MXI1: variants seen among roughly 807,000 people sequenced by gnomAD.
The protein encoded by MXI1 is MAX interactor 1, dimerization protein.
A neutral mutation model predicts 36.9 loss-of-function variants in MXI1; 18 were observed. The ratio of observed to expected loss-of-function variants is 0.49; its 90% CI spans 0.34 to 0.72. MXI1 has a LOEUF of 0.72. MXI1 is among the 30% of genes least tolerant of loss of function. The probability of loss-of-function intolerance (pLI) is 0.01; values close to 1 mark genes in which losing one functional copy is unlikely to be tolerated. For missense variants in MXI1, 304 were observed against 379.1 expected, an observed-to-expected ratio of 0.80 and a Z score of 1.64; for synonymous variants, 160 against 146.7, an observed-to-expected ratio of 1.09 and a Z score of -0.65.
At chr10:110,263,016 C>CAT (rs1291214573) in intron 3 of MXI1, among the ~76,000 whole-genome samples, 1 of 152,098 alleles carries the variant, frequency 6.6e-6, no homozygotes, top group African/African-American at 2.4e-5. Flanking sequence ...CTTGCTAGAG[C>CAT]ATATATATTC....
chr10:110,264,460 G>A (rs975729248), intron 3 of MXI1, among the ~76,000 whole-genome samples: 13 of 151,570 alleles, frequency 8.6e-5, no homozygotes, highest in African/African-American at 2.9e-4. Context: ...CCGCCTCCCG[G>A]GTTTAAACGA....
intron 3 of MXI1, 106 bp downstream of exon 3, chr10:110,244,963 T>A: frequency 8.7e-7 from 1 of 1,150,090 alleles, no homozygotes; most frequent in Non-Finnish European, 1.2e-6. Flanking sequence ...ATTTTATTTT[T>A]CAGATGTATA....
At position 110,207,754 on chromosome 10, in the gene MXI1, C is replaced by T; in HGVS notation, c.-55C>T. 9.0e-7 allele frequency: 1 copy of T among 1,107,104 alleles called. No homozygotes were observed. The highest frequency in any genetic ancestry group is 1.1e-6 in the Non-Finnish European group (1 of 904,048). The allele number at this position is 1,107,104 out of a possible 1,614,324, so 68.6% of individuals were successfully genotyped here. A position where few individuals can be genotyped will look rare whatever the true frequency, so the allele number is the denominator to read the frequency against. On this transcript the variant is annotated 5_prime_UTR_variant, in exon 1 of 6. Coordinates refer to ENST00000332674, the MANE Select transcript of MXI1 (RefSeq NM_130439.3). Reference sequence around the variant, plus strand: ...CGGGTCTCCCTGGGGGCCCGGAGCTCGGCCGGGCCGCGCAGCCCCGTTAGA... The same window carrying T: ...CGGGTCTCCCTGGGGGCCCGGAGCTTGGCCGGGCCGCGCAGCCCCGTTAGA...
intron 5 of MXI1, among the ~76,000 whole-genome samples, chr10:110,284,557 C>T (rs1564728991): frequency 6.6e-6 from 1 of 152,144 alleles, no homozygotes; most frequent in Non-Finnish European, 1.5e-5. Flanking sequence ...CCCAAATACG[C>T]CAAGTGCTTT....
At position 110,208,110 on chromosome 10, in the gene MXI1, C is replaced by A. The variant is rs749362336; in HGVS notation, c.274+28C>A. 4 of 1,562,812 alleles carry A rather than the reference C, an allele frequency of 2.6e-6. No individual in the cohort carries two copies. In the South Asian group the frequency reaches 4.7e-5, roughly 18 times the overall value. ...AAGTTTGGGGGCCCCTGCTCTTCCT[C>A]GGCGCCCGGTTCTTTCTTTCTCGCC... On this transcript the variant is annotated intron_variant, in intron 1 of 5. Coordinates refer to ENST00000332674, the MANE Select transcript of MXI1 (RefSeq NM_130439.3).
intron 2 of MXI1, among the ~76,000 whole-genome samples, chr10:110,241,846 A>G (rs1427358813): frequency 6.6e-6 from 1 of 151,986 alleles, no homozygotes. Context: ...ATGTTTTTAC[A>G]TCTGTTTCTC....
chr10:110,243,474 C>T (rs111783823), intron 2 of MXI1, among the ~76,000 whole-genome samples: 4 of 152,000 alleles, frequency 2.6e-5, no homozygotes, highest in African/African-American at 9.7e-5. Context: ...CCAGCAAAAG[C>T]ACTCTTAATT....
At chr10:110,222,361 A>C (rs1489337718) in intron 1 of MXI1, among the ~76,000 whole-genome samples, 1 of 152,188 alleles carries the variant, frequency 6.6e-6, no homozygotes, top group African/African-American at 2.4e-5. Flanking sequence ...TGGACTTGTA[A>C]CTTAACCTCA....
intron 1 of MXI1, chr10:110,227,590 AG>A: frequency 1.3e-6 from 1 of 787,764 alleles, no homozygotes; most frequent in Non-Finnish European, 1.5e-6. Context: ...GGGGGGGGTC[AG>A]GGGAAGGGAC....
At chr10:110,229,725 T>C (rs1855194385) in intron 2 of MXI1, among the ~76,000 whole-genome samples, 1 of 152,244 alleles carries the variant, frequency 6.6e-6, no homozygotes, top group African/African-American at 2.4e-5. Flanking sequence ...GATGAAAATA[T>C]GTAGTATGAT....
At chr10:110,241,478 G>T (rs926343366) in intron 2 of MXI1, among the ~76,000 whole-genome samples, 4 of 151,982 alleles carry the variant, frequency 2.6e-5, no homozygotes, top group African/African-American at 9.7e-5. Context: ...GAATGTGCTA[G>T]TGTGTGATAC....
intron 2 of MXI1, among the ~76,000 whole-genome samples, chr10:110,241,267 G>A (rs1332420547): frequency 1.3e-5 from 2 of 151,966 alleles, no homozygotes; most frequent in African/African-American, 2.4e-5. Flanking sequence ...GGGTAAGGGT[G>A]TTTGAAAGGA....
At chr10:110,208,168 GT>G in intron 1 of MXI1, 86 bp downstream of exon 1, 1 of 1,387,564 alleles carries the variant, frequency 7.2e-7, no homozygotes, top group Middle Eastern at 2.6e-4. Context: ...AGCTCGGCCC[GT>G]CCCCCCCCCG....
intron 2 of MXI1, among the ~76,000 whole-genome samples, chr10:110,231,466 A>G (rs950698597): frequency 6.7e-6 from 1 of 150,228 alleles, no homozygotes. Flanking sequence ...TTAAAATCTT[A>G]TTTTCAAAGA....
At chr10:110,262,914 CTA>C (rs1227619547) in intron 3 of MXI1, among the ~76,000 whole-genome samples, 1 of 152,142 alleles carries the variant, frequency 6.6e-6, no homozygotes, top group Non-Finnish European at 1.5e-5. Flanking sequence ...CTCTAAATTC[CTA>C]TCTCAGATTC....
chr10:110,246,697 A>G (rs536548131), intron 3 of MXI1, among the ~76,000 whole-genome samples: 73 of 152,302 alleles, frequency 4.8e-4, no homozygotes, highest in African/African-American at 1.5e-3. Context: ...ATAGGAGACA[A>G]TGGCTCTAGT....
chr10:110,213,069 G>T (rs1854548436), intron 1 of MXI1, among the ~76,000 whole-genome samples: 1 of 152,202 alleles, frequency 6.6e-6, no homozygotes, highest in Admixed American at 6.5e-5. Flanking sequence ...GGGGACACGT[G>T]ACAGCCTTTC....
chr10:110,208,137 A>G, intron 1 of MXI1, 55 bp downstream of exon 1: 1 of 1,532,618 alleles, frequency 6.5e-7, no homozygotes. Flanking sequence ...TTTCTCGCCC[A>G]CTTGGGCGAC....
intron 3 of MXI1, among the ~76,000 whole-genome samples, chr10:110,276,759 A>G (rs902941063): frequency 2.0e-5 from 3 of 152,158 alleles, no homozygotes; most frequent in African/African-American, 7.2e-5. Context: ...CAAGTATCAC[A>G]AAACGGAAAA....
Sources: gnomAD v4.1 joint callset for allele counts (sites outside exome capture counted in the v4.1 genomes callset) on GRCh38, gnomAD v4.1.1 for gene constraint, MANE v1.5 for transcripts, NCBI Gene and HGNC (gene_info 2026-07-23, HGNC 2026-07-21) for gene names.